The following SGMS1 variants were observed in gnomAD, a reference collection of about 807,000 sequenced individuals.
SGMS1 encodes the protein phosphatidylcholine:ceramide cholinephosphotransferase 1.
SGMS1 carries 13 observed loss-of-function variants against 46.2 expected under a neutral mutation model. The ratio of observed to expected loss-of-function variants is 0.28; its 90% CI spans 0.18 to 0.45. The LOEUF (loss-of-function observed/expected upper bound fraction) is 0.45. Ranked by LOEUF, SGMS1 falls within the 20% of genes least tolerant of loss-of-function variation. The probability of loss-of-function intolerance (pLI) is 1.00; values close to 1 mark genes in which losing one functional copy is unlikely to be tolerated. For missense variants in SGMS1, 324 were observed against 519.9 expected (o/e 0.62, Z 3.66); for synonymous variants, 203 against 187.8 (o/e 1.08, Z -0.66).
At chr10:50,408,784 G>C (rs536253496) in intron 6 of SGMS1, among the ~76,000 whole-genome samples, 141 of 152,248 alleles carry the variant, frequency 9.3e-4, no homozygotes, top group African/African-American at 2.9e-3. Context: ...GTTGAGGCAG[G>C]AGAATCATTT....
intron 6 of SGMS1, among the ~76,000 whole-genome samples, chr10:50,351,148 A>G (rs1848004402): frequency 6.6e-6 from 1 of 152,132 alleles, no homozygotes; most frequent in Non-Finnish European, 1.5e-5. Context: ...ATCATTTTGG[A>G]GCTTTAATAT....
At chr10:50,360,234 C>G (rs1589405944) in intron 6 of SGMS1, among the ~76,000 whole-genome samples, 1 of 152,078 alleles carries the variant, frequency 6.6e-6, no homozygotes, top group Non-Finnish European at 1.5e-5. Context: ...GCCAAACCAC[C>G]AAAAAAGATG....
chr10:50,498,251 G>C (rs1837631952), intron 3 of SGMS1, among the ~76,000 whole-genome samples: 1 of 152,162 alleles, frequency 6.6e-6, no homozygotes, highest in Admixed American at 6.5e-5. Context: ...ATCATTCAGA[G>C]GGAAGAGGAA....
intron 2 of SGMS1, among the ~76,000 whole-genome samples, chr10:50,541,604 G>C (rs1382147139): frequency 6.6e-6 from 1 of 152,150 alleles, no homozygotes; most frequent in East Asian, 1.9e-4. Context: ...AGCCCACAGA[G>C]AGTGGTTGTT....
intron 1 of SGMS1, among the ~76,000 whole-genome samples, chr10:50,595,770 G>A (rs1055852074): frequency 6.6e-6 from 1 of 152,150 alleles, no homozygotes; most frequent in African/African-American, 2.4e-5. Context: ...TGCCATATTG[G>A]GGGAAGGTAT....
chr10:50,324,354 A>G (rs1847497186), intron 8 of SGMS1, among the ~76,000 whole-genome samples: 1 of 152,166 alleles, frequency 6.6e-6, no homozygotes, highest in Non-Finnish European at 1.5e-5. Context: ...CTCTCTGTAC[A>G]ATGGTTCAGA....
chr10:50,334,720 T>C (rs941106629), intron 7 of SGMS1: 1 of 152,226 alleles, frequency 6.6e-6, no homozygotes, highest in Non-Finnish European at 1.5e-5. Context: ...ACATGCGGAA[T>C]ACAGCAGTGA....
intron 2 of SGMS1, among the ~76,000 whole-genome samples, chr10:50,532,225 C>CTG (rs71029313): frequency 0.076 from 9,907 of 130,350 alleles, 490 homozygotes; most frequent in African/African-American, 0.13. Flanking sequence ...CTGAATGAGA[C>CTG]TGTGTGTGTG....
At chr10:50,355,931 G>A (rs1299585767) in intron 6 of SGMS1, among the ~76,000 whole-genome samples, 1 of 151,948 alleles carries the variant, frequency 6.6e-6, no homozygotes, top group Non-Finnish European at 1.5e-5. Flanking sequence ...CCGCCACCCT[G>A]TCTGGGAGGT....
intron 2 of SGMS1, among the ~76,000 whole-genome samples, chr10:50,584,504 A>T (rs1462157143): frequency 1.3e-5 from 2 of 151,468 alleles, no homozygotes; most frequent in Non-Finnish European, 2.9e-5. Context: ...ATCTCAAAAA[A>T]AAAAAAAAAA....
At chr10:50,573,638 AT>A (rs1838354583) in intron 2 of SGMS1, among the ~76,000 whole-genome samples, 1 of 152,184 alleles carries the variant, frequency 6.6e-6, no homozygotes, top group African/African-American at 2.4e-5. Flanking sequence ...CCCAAAGAAA[AT>A]TTTTTACAGG....
chr10:50,585,891 C>A, intron 2 of SGMS1, among the ~76,000 whole-genome samples: 1 of 152,172 alleles, frequency 6.6e-6, no homozygotes, highest in East Asian at 1.9e-4. Context: ...TTAATGGGCT[C>A]AGATTACTAC....
intron 2 of SGMS1, among the ~76,000 whole-genome samples, chr10:50,557,514 T>C (rs1338853315): frequency 6.6e-6 from 1 of 152,090 alleles, no homozygotes; most frequent in Admixed American, 6.5e-5. Flanking sequence ...AATAACTGTT[T>C]TGCTTTGGCA....
chr10:50,430,662 G>T (rs1001568525), intron 6 of SGMS1, among the ~76,000 whole-genome samples: 19 of 152,134 alleles, frequency 1.2e-4, no homozygotes, highest in African/African-American at 3.9e-4. Flanking sequence ...ATCTGCTCCT[G>T]AATCTCATCC....
chr10:50,494,084 C>T (rs2133744123), intron 3 of SGMS1, among the ~76,000 whole-genome samples: 1 of 152,234 alleles, frequency 6.6e-6, no homozygotes, highest in Non-Finnish European at 1.5e-5. Flanking sequence ...GGCATGAGCG[C>T]CTGGCACCTG....
At chr10:50,624,043 G>A (rs1838886491), upstream of SGMS1, 3 of 985,478 alleles carry the variant, frequency 3.0e-6, no homozygotes, top group Middle Eastern at 5.2e-4. Context: ...TGCGGCCGGG[G>A]GGGCGGGCCG....
intron 4 of SGMS1, among the ~76,000 whole-genome samples, chr10:50,464,050 G>C (rs192686260): frequency 4.0e-4 from 61 of 152,294 alleles, no homozygotes; most frequent in African/African-American, 1.4e-3. Context: ...AAGGAGTGTT[G>C]CTGTTCAATG....
intron 3 of SGMS1, among the ~76,000 whole-genome samples, chr10:50,518,048 T>C (rs1837821010): frequency 6.6e-6 from 1 of 152,106 alleles, no homozygotes; most frequent in East Asian, 1.9e-4. Context: ...GGAAGAGGAA[T>C]AAGAAATGAT....
chr10:50,505,671 C>G (rs1299967369), intron 3 of SGMS1, among the ~76,000 whole-genome samples: 1 of 152,146 alleles, frequency 6.6e-6, no homozygotes, highest in African/African-American at 2.4e-5. Flanking sequence ...GGGAATAAAA[C>G]AAAGACCTCT....
Sources: gnomAD v4.1 joint callset for allele counts (sites outside exome capture counted in the v4.1 genomes callset) on GRCh38, gnomAD v4.1.1 for gene constraint, MANE v1.5 for transcripts, NCBI Gene and HGNC (gene_info 2026-07-23, HGNC 2026-07-21) for gene names.